Variants in GRM3 observed in about 807,000 individuals in gnomAD.
GRM3 encodes glutamate metabotropic receptor 3.
Under a neutral mutation model 70.5 loss-of-function variants are expected in GRM3, and 26 were observed. The observed-to-expected ratio is 0.37, with a 90% CI of 0.27 to 0.51. The LOEUF is 0.51. Ranked by LOEUF, GRM3 falls within the 20% of genes least tolerant of loss-of-function variation. The probability of loss-of-function intolerance (pLI) is 0.93; values close to 1 mark genes in which losing one functional copy is unlikely to be tolerated. For synonymous variants in GRM3, 443 were observed against 434.9 expected (o/e 1.02, Z -0.23); for missense variants, 859 against 1,123.8 (o/e 0.76, Z 3.37).
At chr7:86,796,781 A>C (rs996039421) in intron 3 of GRM3, among the ~76,000 whole-genome samples, 1 of 152,080 alleles carries the variant, frequency 6.6e-6, no homozygotes, top group African/African-American at 2.4e-5. Context: ...CTGTGTCCCC[A>C]CCCAAATCTC....
chr7:86,781,808 A>G (rs950115704), intron 2 of GRM3, among the ~76,000 whole-genome samples: 30 of 152,298 alleles, frequency 2.0e-4, no homozygotes, highest in African/African-American at 7.0e-4. Flanking sequence ...AAGACTTTAT[A>G]TAAGACTTAT....
intron 3 of GRM3, among the ~76,000 whole-genome samples, chr7:86,815,283 A>G (rs1797993717): frequency 6.6e-6 from 1 of 151,774 alleles, no homozygotes; most frequent in African/African-American, 2.4e-5. Flanking sequence ...GACAAAACCA[A>G]TGAAAGGGCT....
intron 3 of GRM3, among the ~76,000 whole-genome samples, chr7:86,820,106 CT>C (rs1798090750): frequency 6.6e-6 from 1 of 152,154 alleles, no homozygotes; most frequent in Non-Finnish European, 1.5e-5. Flanking sequence ...ATACTCTGGT[CT>C]CTATAATCAA....
At chr7:86,728,159 C>A (rs1021360527) in intron 1 of GRM3, among the ~76,000 whole-genome samples, 1 of 152,150 alleles carries the variant, frequency 6.6e-6, no homozygotes, top group African/African-American at 2.4e-5. Flanking sequence ...CAGCTCCATG[C>A]CTGTCTCCCC....
chr7:86,743,841 A>C (rs1270497954), intron 1 of GRM3, among the ~76,000 whole-genome samples: 1 of 152,140 alleles, frequency 6.6e-6, no homozygotes, highest in Non-Finnish European at 1.5e-5. Context: ...ATTAACTTCA[A>C]GTCTGACTCA....
intron 1 of GRM3, among the ~76,000 whole-genome samples, chr7:86,679,534 C>T (rs1794391887): frequency 6.6e-6 from 1 of 151,968 alleles, no homozygotes; most frequent in South Asian, 2.1e-4. Flanking sequence ...TCCTACTATA[C>T]TCACATGGGA....
chr7:86,791,626 G>A (rs1044312961), intron 3 of GRM3, among the ~76,000 whole-genome samples: 9 of 152,184 alleles, frequency 5.9e-5, no homozygotes, highest in Non-Finnish European at 8.8e-5. Flanking sequence ...GCATGTGCAC[G>A]AGGACTCTGG....
At chr7:86,798,496 T>A (rs573757346) in intron 3 of GRM3, among the ~76,000 whole-genome samples, 1 of 152,190 alleles carries the variant, frequency 6.6e-6, no homozygotes, top group Non-Finnish European at 1.5e-5. Flanking sequence ...TTTGGCCTAC[T>A]TTTCCCATTT....
intron 1 of GRM3, among the ~76,000 whole-genome samples, chr7:86,668,719 C>T (rs762290979): frequency 3.3e-5 from 5 of 152,122 alleles, no homozygotes; most frequent in Non-Finnish European, 7.4e-5. Context: ...GGAAGATTAA[C>T]TGTCATTGAG....
At chr7:86,664,483 G>A (rs802423) in intron 1 of GRM3, among the ~76,000 whole-genome samples, 106,728 of 151,702 alleles carry the variant, frequency 0.7, 38,094 homozygotes, top group East Asian at 0.88. Context: ...CCTTTTAGGG[G>A]AAGCTCAAAA....
At chr7:86,683,200 A>G (rs117970141) in intron 1 of GRM3, among the ~76,000 whole-genome samples, 224 of 152,282 alleles carry the variant, frequency 1.5e-3, no homozygotes, top group Non-Finnish European at 2.8e-3. Context: ...ACAGAACTTC[A>G]TGACTGAGTA....
At chr7:86,777,342 A>G (rs533470383) in intron 2 of GRM3, among the ~76,000 whole-genome samples, 1 of 152,252 alleles carries the variant, frequency 6.6e-6, no homozygotes, top group African/African-American at 2.4e-5. Flanking sequence ...ATTTTCAGAG[A>G]GACTTGGGAT....
At chr7:86,811,228 GAAC>G (rs1797902603) in intron 3 of GRM3, among the ~76,000 whole-genome samples, 1 of 151,672 alleles carries the variant, frequency 6.6e-6, no homozygotes. Context: ...TGAAGATAAG[GAAC>G]AACAATAAAG....
chr7:86,668,179 T>C (rs1417378199), intron 1 of GRM3, among the ~76,000 whole-genome samples: 2 of 152,196 alleles, frequency 1.3e-5, no homozygotes, highest in Non-Finnish European at 1.5e-5. Context: ...AAGAGTAGCA[T>C]GTTATAATAT....
At chr7:86,670,126 A>G (rs1794133669) in intron 1 of GRM3, among the ~76,000 whole-genome samples, 1 of 152,170 alleles carries the variant, frequency 6.6e-6, no homozygotes, top group Non-Finnish European at 1.5e-5. Flanking sequence ...GTATTTTACA[A>G]TGTTCTTTTG....
At chr7:86,820,456 A>T (rs1353993253) in intron 3 of GRM3, among the ~76,000 whole-genome samples, 1 of 152,146 alleles carries the variant, frequency 6.6e-6, no homozygotes, top group Non-Finnish European at 1.5e-5. Context: ...TAAATGCAGC[A>T]GGTAGTACAT....
At chr7:86,723,328 A>G (rs1222393800) in intron 1 of GRM3, among the ~76,000 whole-genome samples, 2 of 152,122 alleles carry the variant, frequency 1.3e-5, no homozygotes, top group Non-Finnish European at 2.9e-5. Context: ...GGAATTACCT[A>G]CTCTAGAGAA....
At position 86,765,296 on chromosome 7, in the gene GRM3, G is replaced by T; in HGVS notation, c.151G>T (p.Gly51Cys). The change falls in exon 2 of 6, where the codon GGC becomes TGC. Residue 51 changes from glycine (G) to cysteine (C), a missense_variant. By Grantham distance (159) the Gly-to-Cys change is radical (BLOSUM62 -3). Coordinates refer to ENST00000361669, the MANE Select transcript of GRM3 (RefSeq NM_000840.3). Reference sequence around the variant, plus strand: ...GGGCCTGTTTCCTATTAACGAAAAAGGCACTGGAACTGAAGAATGTGGGCG... The same window carrying T: ...GGGCCTGTTTCCTATTAACGAAAAATGCACTGGAACTGAAGAATGTGGGCG... ...LGGLFPINEK[G>C]TGTEECGRIN... 6.2e-7 allele frequency: 1 copy of T among 1,613,840 alleles called. No individual in the cohort carries two copies. Among genetic ancestry groups the T allele is most frequent in the East Asian group, 2.2e-5 (1 of 44,864 alleles).
intron 3 of GRM3, among the ~76,000 whole-genome samples, chr7:86,838,332 A>C (rs1207538388): frequency 1.3e-5 from 2 of 152,206 alleles, no homozygotes; most frequent in African/African-American, 4.8e-5. Flanking sequence ...AACTATTGAA[A>C]AGAATCATAT....
Sources: allele counts gnomAD v4.1 joint callset (sites outside exome capture counted in the v4.1 genomes callset), GRCh38; gene constraint gnomAD v4.1.1; transcripts MANE v1.5; gene names NCBI Gene and HGNC (gene_info 2026-07-23, HGNC 2026-07-21).